Variants in EIF4G3 observed in about 807,000 individuals in gnomAD.
The protein encoded by EIF4G3 is eukaryotic translation initiation factor 4 gamma 3.
EIF4G3 carries 34 observed loss-of-function variants against 186.4 expected under a neutral mutation model. That is an observed-to-expected ratio of 0.18 (90% CI 0.14 to 0.24). The LOEUF is 0.24. EIF4G3 is among the 10% of genes least tolerant of loss of function. The probability of loss-of-function intolerance (pLI) is 1.00; values close to 1 mark genes in which losing one functional copy is unlikely to be tolerated. For missense variants in EIF4G3, 1,536 were observed against 1,948.5 expected (o/e 0.79, Z 3.99); for synonymous variants, 673 against 679.5 (o/e 0.99, Z 0.15).
At chr1:20,910,562 G>A (rs1462916798) in intron 14 of EIF4G3, among the ~76,000 whole-genome samples, 2 of 152,092 alleles carry the variant, frequency 1.3e-5, no homozygotes, top group African/African-American at 2.4e-5. Flanking sequence ...CAGCCTGGGC[G>A]ACAGTGTGAG....
At chr1:21,028,869 A>G (rs1006851130) in intron 4 of EIF4G3, among the ~76,000 whole-genome samples, 4 of 152,260 alleles carry the variant, frequency 2.6e-5, no homozygotes, top group African/African-American at 7.2e-5. Context: ...AATAGAGTTT[A>G]GACCAGCTGT....
intron 14 of EIF4G3, among the ~76,000 whole-genome samples, chr1:20,921,804 T>C (rs570527575): frequency 2.0e-5 from 3 of 152,324 alleles, no homozygotes; most frequent in South Asian, 2.1e-4. Context: ...TGCTTCTGCT[T>C]TTCTCATCAT....
At chr1:21,081,735 G>A (rs1160207669) in intron 3 of EIF4G3, among the ~76,000 whole-genome samples, 2 of 146,558 alleles carry the variant, frequency 1.4e-5, no homozygotes, top group Non-Finnish European at 3.0e-5. Flanking sequence ...CCTGACTCCC[G>A]GGTTCAAGCA....
intron 10 of EIF4G3, among the ~76,000 whole-genome samples, chr1:20,976,871 T>C (rs1447683788): frequency 6.6e-6 from 1 of 152,182 alleles, no homozygotes; most frequent in Non-Finnish European, 1.5e-5. Context: ...ACACCATCTC[T>C]ACTAAAGTAC....
chr1:21,088,002 A>T (rs1401604762), intron 3 of EIF4G3, among the ~76,000 whole-genome samples: 1 of 152,116 alleles, frequency 6.6e-6, no homozygotes, highest in Admixed American at 6.5e-5. Flanking sequence ...AGGCTGAGGC[A>T]GGAGGATAAC....
chr1:21,089,868 C>G (rs568739111), intron 2 of EIF4G3, among the ~76,000 whole-genome samples: 1 of 152,158 alleles, frequency 6.6e-6, no homozygotes, highest in Non-Finnish European at 1.5e-5. Flanking sequence ...ATACTTCCTT[C>G]CTAATTCTGC....
intron 2 of EIF4G3, among the ~76,000 whole-genome samples, chr1:21,136,169 G>A (rs1187548384): frequency 5.3e-5 from 8 of 150,438 alleles, no homozygotes; most frequent in Non-Finnish European, 7.4e-5. Context: ...CGGCCTGGGC[G>A]ACAGAGCGAG....
chr1:20,938,850 T>G (rs1320353887), intron 14 of EIF4G3, among the ~76,000 whole-genome samples: 1 of 152,196 alleles, frequency 6.6e-6, no homozygotes, highest in Non-Finnish European at 1.5e-5. Context: ...GGCTCATGCC[T>G]GTAATCCCAG....
chr1:21,163,265 T>C (rs752200029), intron 2 of EIF4G3, among the ~76,000 whole-genome samples: 3 of 152,162 alleles, frequency 2.0e-5, no homozygotes, highest in Non-Finnish European at 4.4e-5. Context: ...AGTCACACAA[T>C]ATAAAAGGTA....
At chr1:20,884,309 C>T (rs548061429) in intron 19 of EIF4G3, among the ~76,000 whole-genome samples, 3 of 152,182 alleles carry the variant, frequency 2.0e-5, no homozygotes, top group East Asian at 1.9e-4. Context: ...AAACAGATTA[C>T]GAGTTATAAC....
chr1:21,050,579 T>TG (rs949508245), intron 4 of EIF4G3, among the ~76,000 whole-genome samples: 5 of 152,146 alleles, frequency 3.3e-5, no homozygotes, highest in African/African-American at 9.7e-5. Context: ...CAGTGCTTTG[T>TG]GGGGGGGTTT....
At chr1:21,173,785 A>G (rs1443503561) in intron 2 of EIF4G3, among the ~76,000 whole-genome samples, 1 of 152,248 alleles carries the variant, frequency 6.6e-6, no homozygotes, top group Non-Finnish European at 1.5e-5. Flanking sequence ...CAAGCCATGA[A>G]CAGTGCTAAC....
intron 20 of EIF4G3, among the ~76,000 whole-genome samples, chr1:20,875,640 G>T (rs1336384615): frequency 1.3e-5 from 2 of 152,206 alleles, no homozygotes; most frequent in Admixed American, 6.5e-5. Context: ...AAAGTCAGGT[G>T]CAATGGCTAA....
intron 12 of EIF4G3, among the ~76,000 whole-genome samples, chr1:20,958,436 A>G (rs1009920104): frequency 1.2e-4 from 18 of 152,310 alleles, no homozygotes; most frequent in African/African-American, 4.1e-4. Context: ...ACCACAGCCA[A>G]TATCATACTG....
intron 14 of EIF4G3, among the ~76,000 whole-genome samples, chr1:20,934,040 C>T (rs1176345228): frequency 1.3e-5 from 2 of 152,162 alleles, no homozygotes; most frequent in East Asian, 3.9e-4. Flanking sequence ...GATTACATGG[C>T]TTTCTGTGCT....
chr1:21,052,783 G>A (rs1438514168), intron 3 of EIF4G3, among the ~76,000 whole-genome samples: 1 of 152,206 alleles, frequency 6.6e-6, no homozygotes, highest in Non-Finnish European at 1.5e-5. Context: ...GGGTTTCGCT[G>A]TGTTGGCCGG....
At chr1:21,030,914 G>A (rs138484808) in intron 4 of EIF4G3, among the ~76,000 whole-genome samples, 2 of 152,280 alleles carry the variant, frequency 1.3e-5, no homozygotes, top group East Asian at 1.9e-4. Context: ...AGCCGGGTGT[G>A]GTGGCTCATG....
chr1:20,978,113 A>G (rs2077214820), intron 10 of EIF4G3, among the ~76,000 whole-genome samples: 2 of 152,210 alleles, frequency 1.3e-5, no homozygotes, highest in African/African-American at 4.8e-5. Flanking sequence ...AAAAAATTCT[A>G]GATAGTAACA....
intron 7 of EIF4G3, among the ~76,000 whole-genome samples, chr1:20,997,154 T>C (rs1367718755): frequency 7.2e-5 from 11 of 152,140 alleles, no homozygotes; most frequent in Admixed American, 2.6e-4. Flanking sequence ...AGATCTAAGT[T>C]AGTAACTGAG....
Sources: gnomAD v4.1 joint callset for allele counts (sites outside exome capture counted in the v4.1 genomes callset) on GRCh38, gnomAD v4.1.1 for gene constraint, MANE v1.5 for transcripts, NCBI Gene and HGNC (gene_info 2026-07-23, HGNC 2026-07-21) for gene names.